Variants in ME3 observed in about 807,000 individuals in gnomAD.
The protein encoded by ME3 is malic enzyme 3.
ME3 carries 48 observed loss-of-function variants against 68.9 expected under a neutral mutation model. That is an observed-to-expected ratio of 0.70 (90% CI 0.55 to 0.89). ME3 has a LOEUF of 0.89. ME3 is among the 40% of genes least tolerant of loss of function. The probability of loss-of-function intolerance (pLI) is 0.00; values close to 1 mark genes in which losing one functional copy is unlikely to be tolerated. For synonymous variants in ME3, 320 were observed against 318.8 expected, an observed-to-expected ratio of 1.00 and a Z score of -0.04; for missense variants, 675 against 797.4, an observed-to-expected ratio of 0.85 and a Z score of 1.85.
At chr11:86,603,165 TAC>T (rs2135133727) in intron 2 of ME3, among the ~76,000 whole-genome samples, 1 of 152,240 alleles carries the variant, frequency 6.6e-6, no homozygotes, top group South Asian at 2.1e-4. Flanking sequence ...ACAGGCAGCC[TAC>T]AAAATGGGAG....
intron 2 of ME3, among the ~76,000 whole-genome samples, chr11:86,642,215 T>C (rs779578068): frequency 6.6e-6 from 1 of 152,220 alleles, no homozygotes; most frequent in African/African-American, 2.4e-5. Flanking sequence ...ACTACAAATA[T>C]TATTTCCATT....
chr11:86,656,343 C>T (rs980168258), intron 2 of ME3, among the ~76,000 whole-genome samples: 1 of 151,650 alleles, frequency 6.6e-6, no homozygotes, highest in Non-Finnish European at 1.5e-5. Context: ...AGACTTGGAA[C>T]CAACCCAAAT....
downstream of ME3, among the ~76,000 whole-genome samples, chr11:86,438,550 T>C (rs1339665961): frequency 6.6e-6 from 1 of 152,204 alleles, no homozygotes; most frequent in African/African-American, 2.4e-5. Flanking sequence ...TAATTGGTGT[T>C]ATTACTTAAG....
chr11:86,585,553 T>A (rs1347079334), intron 2 of ME3, among the ~76,000 whole-genome samples: 1 of 152,174 alleles, frequency 6.6e-6, no homozygotes, highest in Non-Finnish European at 1.5e-5. Flanking sequence ...GGACTGGTTT[T>A]GGGTGGGAGT....
At chr11:86,611,103 A>C (rs1942539820) in intron 2 of ME3, among the ~76,000 whole-genome samples, 1 of 152,160 alleles carries the variant, frequency 6.6e-6, no homozygotes, top group Non-Finnish European at 1.5e-5. Context: ...CAAAACATGG[A>C]TGAACCTGGA....
In ME3 at chr11:86,494,150, T is replaced by C. The variant is rs574461875; in HGVS notation, c.705+3813A>G. Among the ~76,000 whole-genome samples, 6 of 152,276 alleles carry C rather than the reference T, an allele frequency of 3.9e-5. No homozygotes were observed. The South Asian group carries it at 6.2e-4, about 16-fold the overall frequency. ...CCTAATGTTGGTCACTTTATAACTT[T>C]GAAAATTTTGTGTCCTGAGTTTCTT... On this transcript the variant is annotated intron_variant, in intron 6 of 14. Coordinates refer to ENST00000543262, the Ensembl canonical transcript of ME3.
At chr11:86,488,297 T>C (rs1169168055) in intron 6 of ME3, among the ~76,000 whole-genome samples, 2 of 152,204 alleles carry the variant, frequency 1.3e-5, no homozygotes, top group African/African-American at 2.4e-5. Context: ...CATTGAAGTA[T>C]TGGGTCGCAT....
At chr11:86,477,882 G>A (rs764973083) in intron 7 of ME3, among the ~76,000 whole-genome samples, 7 of 152,104 alleles carry the variant, frequency 4.6e-5, no homozygotes, top group Non-Finnish European at 7.4e-5. Flanking sequence ...ATGCATAGGA[G>A]TTTGTCACCA....
At chr11:86,480,641 T>C (rs1407465231) in intron 7 of ME3, among the ~76,000 whole-genome samples, 1 of 152,198 alleles carries the variant, frequency 6.6e-6, no homozygotes, top group Non-Finnish European at 1.5e-5. Context: ...GCAGGCCTGA[T>C]TCTTGCCCAC....
At position 86,654,776 on chromosome 11, in the gene ME3, T is replaced by G. The variant is rs1383240831; in HGVS notation, c.183+16986A>C. Among the ~76,000 whole-genome samples the G allele has an allele frequency of 6.6e-5, 10 of 151,992 alleles. No homozygotes were observed. In the East Asian group the frequency reaches 7.7e-4, roughly 12 times the overall value. ...ATCAGGCAGGAGAAGGAAATAAAGGTCATTCAATTAGGAAAAGAGGAAGTC... is the reference window on the plus strand; with the variant it reads ...ATCAGGCAGGAGAAGGAAATAAAGGGCATTCAATTAGGAAAAGAGGAAGTC... On this transcript the variant is annotated intron_variant, in intron 2 of 14. Coordinates refer to ENST00000543262, the Ensembl canonical transcript of ME3.
At chr11:86,473,356 G>T (rs1331393272) in intron 7 of ME3, among the ~76,000 whole-genome samples, 1 of 152,194 alleles carries the variant, frequency 6.6e-6, no homozygotes, top group Non-Finnish European at 1.5e-5. Flanking sequence ...GGAAGGGAGG[G>T]AACCATCTGG....
Position 86,487,321 on chromosome 11 carries a change from A to C in ME3, c.809+16T>G. 1.9e-6 allele frequency: 3 copies of C among 1,607,126 alleles called. No individual in the cohort carries two copies. The highest frequency in any genetic ancestry group is 2.6e-6 in the Non-Finnish European group (3 of 1,173,606). ...TTAAAAGTCCTCTTTCAAAAGGGAC[A>C]GACTGGTCCACTTACTTGTCTGTCA... On this transcript the variant is annotated intron_variant, in intron 7 of 14. Transcript: ENST00000543262.
intron 4 of ME3, among the ~76,000 whole-genome samples, chr11:86,538,445 A>G (rs1485750041): frequency 2.0e-5 from 3 of 152,168 alleles, no homozygotes; most frequent in Non-Finnish European, 4.4e-5. Context: ...CAGTAAAAGT[A>G]GGTGGTAGTA....
At chr11:86,444,869 A>G (rs1167129454) in intron 13 of ME3, among the ~76,000 whole-genome samples, 2 of 152,238 alleles carry the variant, frequency 1.3e-5, no homozygotes, top group Non-Finnish European at 2.9e-5. Flanking sequence ...GAAGACCATA[A>G]TGTGAGCTCC....
At chr11:86,534,034 A>T (rs1478240566) in intron 4 of ME3, among the ~76,000 whole-genome samples, 1 of 151,602 alleles carries the variant, frequency 6.6e-6, no homozygotes, top group Admixed American at 6.6e-5. Flanking sequence ...CTATCTGAAC[A>T]CCCAAACATT....
chr11:86,606,089 T>C (rs1961604873), intron 2 of ME3, among the ~76,000 whole-genome samples: 1 of 152,020 alleles, frequency 6.6e-6, no homozygotes, highest in Non-Finnish European at 1.5e-5. Context: ...CCCTCCTCCC[T>C]CCCCAAAGCT....
intron 2 of ME3, among the ~76,000 whole-genome samples, chr11:86,560,846 G>T (rs188538204): frequency 6.0e-5 from 9 of 150,220 alleles, no homozygotes; most frequent in African/African-American, 2.2e-4. Context: ...GGCTTTGACA[G>T]TTTCCCAGAT....
intron 2 of ME3, among the ~76,000 whole-genome samples, chr11:86,653,180 G>C (rs903397570): frequency 2.0e-5 from 3 of 152,142 alleles, no homozygotes; most frequent in African/African-American, 7.2e-5. Flanking sequence ...ACATTAGACA[G>C]ATGAACGAGA....
At chr11:86,472,298 A>T (rs937759088) in intron 7 of ME3, among the ~76,000 whole-genome samples, 1 of 152,170 alleles carries the variant, frequency 6.6e-6, no homozygotes, top group African/African-American at 2.4e-5. Flanking sequence ...CCATGTAAAC[A>T]GCCTAAGCAA....
Sources: allele counts gnomAD v4.1 joint callset (sites outside exome capture counted in the v4.1 genomes callset), GRCh38; gene constraint gnomAD v4.1.1; transcripts MANE v1.5; gene names NCBI Gene and HGNC (gene_info 2026-07-23, HGNC 2026-07-21).